The following ZNF415 variants were observed in gnomAD, a reference collection of about 807,000 sequenced individuals.
ZNF415 encodes zinc finger protein 415.
A neutral mutation model predicts 7.3 loss-of-function variants in ZNF415; 5 were observed. The ratio of observed to expected loss-of-function variants is 0.69; its 90% CI spans 0.36 to 1.44. ZNF415 has a LOEUF of 1.44. Among genes scored for constraint, ZNF415 ranks in the 40% most tolerant of loss-of-function variants. ZNF415 has a pLI of 0.04. For synonymous variants in ZNF415, 207 were observed against 226.3 expected, an observed-to-expected ratio of 0.91 and a Z score of 0.77; for missense variants, 628 against 664.8, an observed-to-expected ratio of 0.94 and a Z score of 0.61.
intron 2 of ZNF415, 67 bp from the exon 3 acceptor site, chr19:53,116,500 A>G: frequency 6.3e-7 from 1 of 1,595,922 alleles, no homozygotes; most frequent in Non-Finnish European, 8.6e-7. Flanking sequence ...TTCACACAAA[A>G]TAAGAATAAA....
At chr19:53,132,763 A>G (rs1650929) in intron 1 of ZNF415, 93 bp downstream of exon 1, 58,314 of 152,246 alleles carry the variant, frequency 0.38, 12,108 homozygotes, top group African/African-American at 0.55. Context: ...GGTGGAGTGT[A>G]CGGGGATTTT....
intron 3 of ZNF415, among the ~76,000 whole-genome samples, chr19:53,112,479 T>G (rs1341797286): frequency 2.6e-5 from 4 of 152,006 alleles, no homozygotes; most frequent in Admixed American, 2.6e-4. Context: ...TCAGCTCTCA[T>G]GGATAATGGT....
intron 3 of ZNF415, 144 bp from the exon 4 acceptor site, chr19:53,110,052 G>A (rs892037002): frequency 4.9e-6 from 3 of 612,694 alleles, no homozygotes; most frequent in Admixed American, 3.9e-5. Flanking sequence ...TAATTTTTAC[G>A]AACACAAAGG....
intron 1 of ZNF415, 90 bp downstream of exon 1, chr19:53,132,766 G>C (rs538824225): frequency 6.6e-6 from 1 of 152,426 alleles, no homozygotes; most frequent in Non-Finnish European, 1.5e-5. Context: ...GGAGTGTACG[G>C]GGATTTTAAG....
intron 1 of ZNF415, among the ~76,000 whole-genome samples, chr19:53,131,355 G>A (rs1003785640): frequency 6.6e-6 from 1 of 152,144 alleles, no homozygotes; most frequent in African/African-American, 2.4e-5. Context: ...GGGATTGCAA[G>A]TGGAAGCTAA....
In ZNF415 at chr19:53,108,328, T is replaced by C; in HGVS notation, c.*49A>G. 6.6e-7 allele frequency: 1 copy of C among 1,517,890 alleles called. No individual in the cohort carries two copies. Among genetic ancestry groups the C allele is most frequent in the Non-Finnish European group, 8.8e-7 (1 of 1,130,322 alleles). 94.0% of individuals were successfully genotyped at this position (1,517,890 alleles called of 1,614,324 possible). On this transcript the variant is annotated 3_prime_UTR_variant, in exon 4 of 4. Transcript: ENST00000243643. ...TTGTATGGTTTCTCTCTGATATAAA[T>C]TCTTTGATGACTCACAGGATTTAAA...
In ZNF415 at chr19:53,108,949, T is replaced by C. The variant is rs760985224; in HGVS notation, c.1096A>G (p.Ser366Gly). 6.2e-5 allele frequency: 100 copies of C among 1,614,090 alleles called. No individual in the cohort carries two copies. The highest frequency in any genetic ancestry group is 8.1e-5 in the Non-Finnish European group (96 of 1,180,038). Reference sequence around the variant, plus strand: ...TGAGTTGCAAGGCTTGAAGTCTGACTGAACACCTTGCCACATTCATTGCAT... The same window carrying C: ...TGAGTTGCAAGGCTTGAAGTCTGACCGAACACCTTGCCACATTCATTGCAT... Reference protein sequence around the residue: ...YKCNECGKVFSQTSSLATHQR... With the variant: ...YKCNECGKVFGQTSSLATHQR... Residue 366 changes from serine (S) to glycine (G), a missense_variant, in exon 4 of 4, where the codon AGT (serine) becomes GGT (glycine). Physicochemically the swap from Ser to Gly is moderately conservative, Grantham distance 56. Coordinates refer to ENST00000243643, the MANE Select transcript of ZNF415 (RefSeq NM_018355.4).
At chr19:53,116,508 A>G in intron 2 of ZNF415, 75 bp from the exon 3 acceptor site, 2 of 1,586,370 alleles carry the variant, frequency 1.3e-6, no homozygotes, top group Non-Finnish European at 1.7e-6. Context: ...AAATAAGAAT[A>G]AAAGAGAATT....
At chr19:53,121,416 C>A (rs1363781407) in intron 2 of ZNF415, among the ~76,000 whole-genome samples, 1 of 150,674 alleles carries the variant, frequency 6.6e-6, no homozygotes, top group Non-Finnish European at 1.5e-5. Flanking sequence ...TACAATTATA[C>A]TTTATTTTTG....
chr19:53,116,001 C>T (rs1412291795), intron 3 of ZNF415: 4 of 620,310 alleles, frequency 6.4e-6, no homozygotes, highest in East Asian at 5.5e-5. Context: ...ATGCAAATAT[C>T]TAGCTCCCTT....
chr19:53,117,798 C>T (rs1407710483), intron 2 of ZNF415, among the ~76,000 whole-genome samples: 1 of 152,006 alleles, frequency 6.6e-6, no homozygotes, highest in South Asian at 2.1e-4. Context: ...TACTATAAAA[C>T]CCACTGTTAG....
intron 2 of ZNF415, among the ~76,000 whole-genome samples, chr19:53,119,823 G>A (rs974033292): frequency 9.2e-5 from 14 of 151,886 alleles, no homozygotes; most frequent in African/African-American, 3.4e-4. Context: ...ATAAAATCCT[G>A]GACACGAAGC....
At position 53,108,946 on chromosome 19, in the gene ZNF415, G is replaced by T; in HGVS notation, c.1099C>A (p.Gln367Lys). 6.2e-7 allele frequency: 1 copy of T among 1,614,100 alleles called. No homozygotes were observed. Among genetic ancestry groups the T allele is most frequent in the Admixed American group, 1.7e-5 (1 of 60,000 alleles). Residue 367 changes from glutamine to lysine, a missense_variant, in exon 4 of 4, where the codon CAG becomes AAG. Transcript: ENST00000243643. Reference protein sequence around the residue: ...KCNECGKVFSQTSSLATHQRI... With the variant: ...KCNECGKVFSKTSSLATHQRI... ...TGATGAGTTGCAAGGCTTGAAGTCTGACTGAACACCTTGCCACATTCATTG... is the reference window on the plus strand; with the variant it reads ...TGATGAGTTGCAAGGCTTGAAGTCTTACTGAACACCTTGCCACATTCATTG...
rs533054432 is a variant in ZNF415 at position 53,114,113 on chromosome 19, T to C, written c.136+2200A>G. ...ACTCCAGGAGAAGGTATGCATAACC[T>C]ATAGGTTGGTTATCATAGCAGGAAT... is the stretch of plus-strand genomic sequence containing the variant. On this transcript the variant is annotated intron_variant, in intron 3 of 3. Coordinates refer to ENST00000243643, the MANE Select transcript of ZNF415 (RefSeq NM_018355.4). Among the ~76,000 whole-genome samples, 7 of 152,282 alleles carry C rather than the reference T, an allele frequency of 4.6e-5. No homozygotes were observed. The East Asian group carries it at 1.3e-3, about 29-fold the overall frequency.
intron 3 of ZNF415, 105 bp downstream of exon 3, chr19:53,116,208 G>A: frequency 7.7e-7 from 1 of 1,293,224 alleles, no homozygotes; most frequent in Non-Finnish European, 1.1e-6. Context: ...AGTCAACAAG[G>A]CCTCAAACTC....
intron 1 of ZNF415, among the ~76,000 whole-genome samples, chr19:53,125,753 C>T (rs1055181178): frequency 2.0e-5 from 3 of 151,956 alleles, no homozygotes; most frequent in Non-Finnish European, 2.9e-5. Context: ...GCCTGATTAA[C>T]ATGGTGAAAC....
rs754268381 is a variant in ZNF415 at position 53,108,361 on chromosome 19, T to C, written c.*16A>G. On this transcript the variant is annotated 3_prime_UTR_variant, in exon 4 of 4. Transcript: ENST00000243643. ...TGACTCACAGGATTTAAACTTTGAC[T>C]GAAGACCTTGCCATATTAATTTCTT... 4.4e-6 allele frequency: 7 copies of C among 1,580,222 alleles called. No homozygotes were observed. The South Asian group carries it at 8.2e-5, about 19-fold the overall frequency.
intron 1 of ZNF415, among the ~76,000 whole-genome samples, chr19:53,127,049 G>C (rs899998466): frequency 7.8e-6 from 1 of 127,464 alleles, no homozygotes; most frequent in African/African-American, 3.0e-5. Flanking sequence ...ATCTTCCCAA[G>C]GACAGTCCCA....
chr19:53,129,254 C>CCA (rs2089715867), intron 1 of ZNF415, among the ~76,000 whole-genome samples: 1 of 152,100 alleles, frequency 6.6e-6, no homozygotes, highest in Non-Finnish European at 1.5e-5. Context: ...AGGCTGGACA[C>CCA]TGGCAGGGGC....
Sources: gnomAD v4.1 joint callset for allele counts (sites outside exome capture counted in the v4.1 genomes callset) on GRCh38, gnomAD v4.1.1 for gene constraint, MANE v1.5 for transcripts, NCBI Gene and HGNC (gene_info 2026-07-23, HGNC 2026-07-21) for gene names.